FANCA: variants seen among roughly 807,000 people sequenced by gnomAD.
The protein encoded by FANCA is Fanconi anemia group A protein.
In FANCA, 236 loss-of-function variants were observed where a neutral mutation model predicts 194.3. The observed-to-expected ratio is 1.21, with a 90% CI of 1.09 to 1.35. The LOEUF is 1.35. Among genes scored for constraint, FANCA ranks in the 40% most tolerant of loss-of-function variants. The probability of loss-of-function intolerance (pLI) is 0.00; values close to 1 mark genes in which losing one functional copy is unlikely to be tolerated. For synonymous variants in FANCA, 1,014 were observed against 715.8 expected, an observed-to-expected ratio of 1.42 and a Z score of -6.65; for missense variants, 2,628 against 1,813.9, an observed-to-expected ratio of 1.45 and a Z score of -8.15.
chr16:89,793,532 A>G (rs1250331154), intron 11 of FANCA, among the ~76,000 whole-genome samples: 1 of 152,120 alleles, frequency 6.6e-6, no homozygotes, highest in Non-Finnish European at 1.5e-5. Context: ...CTTGTTTTAT[A>G]TTTTATTATA....
Position 89,810,696 on chromosome 16 carries a change from C to T in FANCA, c.522+11G>A, listed in dbSNP as rs2040843605. 1.9e-6 allele frequency: 3 copies of T among 1,563,260 alleles called. No individual in the cohort carries two copies. Among genetic ancestry groups the T allele is most frequent in the Admixed American group, 1.7e-5 (1 of 59,942 alleles). On this transcript the variant is annotated intron_variant, in intron 5 of 42. Transcript: ENST00000389301. ...AACACTGGAGAGTCAGATTTGCAAT[C>T]TCAAATTTACCTGTATTTTCCATAA... is the stretch of plus-strand genomic sequence containing the variant.
chr16:89,747,090 C>A (rs1242509693), intron 33 of FANCA, among the ~76,000 whole-genome samples, 200 bp from the exon 34 acceptor site: 1 of 152,178 alleles, frequency 6.6e-6, no homozygotes, highest in Admixed American at 6.6e-5. Context: ...CCCTGGGCGG[C>A]CAGATCCTGC....
Position 89,748,654 on chromosome 16 carries a change from C to A in FANCA, c.3348+5G>T. 6.2e-7 allele frequency: 1 copy of A among 1,611,120 alleles called. No homozygotes were observed. The highest frequency in any genetic ancestry group is 8.5e-7 in the Non-Finnish European group (1 of 1,177,396). ...CGGACGGACACGTGCACACGGGGCA[C>A]CTACCATCTCAGAGTTGACCAAGTG... On this transcript the variant is annotated splice_donor_5th_base_variant and intron_variant, in intron 33 of 42. Coordinates refer to ENST00000389301, the MANE Select transcript of FANCA (RefSeq NM_000135.4).
At chr16:89,813,941 AATG>A (rs754458975) in intron 3 of FANCA, among the ~76,000 whole-genome samples, 46 of 152,182 alleles carry the variant, frequency 3.0e-4, no homozygotes, top group Non-Finnish European at 2.5e-4. Flanking sequence ...GGTTCCTTGG[AATG>A]ATAATATGCA....
intron 6 of FANCA, among the ~76,000 whole-genome samples, chr16:89,807,520 CAGGGGAATCACCTG>C (rs2040702577): frequency 6.6e-6 from 1 of 152,104 alleles, no homozygotes; most frequent in Non-Finnish European, 1.5e-5. Context: ...GAGGCCGAGG[CAGGGGAATCACCTG>C]AGGTTAGGAG....
intron 14 of FANCA, among the ~76,000 whole-genome samples, chr16:89,788,331 G>C (rs928118591): frequency 6.6e-6 from 1 of 152,008 alleles, no homozygotes; most frequent in African/African-American, 2.4e-5. Context: ...TGTGGTGGCA[G>C]GCACCTGTAG....
chr16:89,796,236 G>A (rs956526588), intron 10 of FANCA, among the ~76,000 whole-genome samples: 3 of 152,208 alleles, frequency 2.0e-5, no homozygotes, highest in African/African-American at 7.2e-5. Flanking sequence ...ACGGAGCAGA[G>A]AAGCGAAGGA....
intron 5 of FANCA, 182 bp downstream of exon 5, chr16:89,810,525 G>T: frequency 1.6e-6 from 1 of 613,672 alleles, no homozygotes. Flanking sequence ...ACAAAAAATG[G>T]CAATTGAAGG....
intron 26 of FANCA, among the ~76,000 whole-genome samples, chr16:89,768,176 G>T (rs900273582): frequency 1.3e-5 from 2 of 152,022 alleles, no homozygotes; most frequent in Non-Finnish European, 2.9e-5. Flanking sequence ...CTACTGGGAG[G>T]CTGAGGTGGG....
At chr16:89,770,334 C>G in intron 24 of FANCA, 75 bp from the exon 25 acceptor site, 2 of 1,354,466 alleles carry the variant, frequency 1.5e-6, no homozygotes, top group Admixed American at 2.0e-5. Context: ...AATCCAACCA[C>G]CAGCGGCCGA....
At chr16:89,808,906 C>G (rs916369596) in intron 5 of FANCA, among the ~76,000 whole-genome samples, 1 of 151,508 alleles carries the variant, frequency 6.6e-6, no homozygotes, top group African/African-American at 2.4e-5. Flanking sequence ...CTAACTCACA[C>G]TCTATTTTTT....
chr16:89,786,296 G>C (rs911966111), intron 14 of FANCA, among the ~76,000 whole-genome samples: 4 of 152,122 alleles, frequency 2.6e-5, no homozygotes, highest in Non-Finnish European at 4.4e-5. Flanking sequence ...CGATTCTCCT[G>C]CCTCAGCCTC....
At chr16:89,787,569 C>A (rs559812939) in intron 14 of FANCA, among the ~76,000 whole-genome samples, 108 of 152,086 alleles carry the variant, frequency 7.1e-4, no homozygotes, top group Non-Finnish European at 1.4e-3. Flanking sequence ...ACTATGTCCA[C>A]AAAAAATTTT....
chr16:89,785,002 G>T (rs1462736596), intron 14 of FANCA, 38 bp from the exon 15 acceptor site: 1 of 1,497,792 alleles, frequency 6.7e-7, no homozygotes, highest in Non-Finnish European at 9.3e-7. Context: ...AGGACAGCCA[G>T]GCGCGGCTGC....
At chr16:89,767,375 G>C (rs1485734387) in intron 26 of FANCA, 138 bp from the exon 27 acceptor site, 2 of 699,808 alleles carry the variant, frequency 2.9e-6, no homozygotes, top group East Asian at 2.8e-5. Flanking sequence ...TCGTTTTTTG[G>C]TTCGTTTGTT....
intron 35 of FANCA, 42 bp downstream of exon 35, chr16:89,746,542 C>A: frequency 3.3e-6 from 5 of 1,533,676 alleles, no homozygotes; most frequent in Non-Finnish European, 4.5e-6. Context: ...GAGTCTCCCA[C>A]TCATCCCCAA....
At chr16:89,771,880 G>C (rs2039339866) in intron 22 of FANCA, 66 bp from the exon 23 acceptor site, 5 of 1,589,462 alleles carry the variant, frequency 3.1e-6, no homozygotes, top group Middle Eastern at 2.2e-4. Flanking sequence ...CTGCGGCCTA[G>C]AGAGCTCCGC....
At chr16:89,799,144 C>A (rs757362952) in intron 10 of FANCA, 22 bp downstream of exon 10, 3 of 1,614,198 alleles carry the variant, frequency 1.9e-6, no homozygotes, top group Non-Finnish European at 2.5e-6. Context: ...CACACTCAGG[C>A]AGGCCACCCT....
At chr16:89,808,742 A>G (rs2040760409) in intron 5 of FANCA, among the ~76,000 whole-genome samples, 1 of 152,260 alleles carries the variant, frequency 6.6e-6, no homozygotes, top group Middle Eastern at 3.4e-3. Flanking sequence ...TGCCAGGACA[A>G]AGGTCAGGCT....
Sources: allele counts gnomAD v4.1 joint callset (sites outside exome capture counted in the v4.1 genomes callset), GRCh38; gene constraint gnomAD v4.1.1; transcripts MANE v1.5; gene names NCBI Gene and HGNC (gene_info 2026-07-23, HGNC 2026-07-21).